The following FRMD3 variants were observed in gnomAD, a reference collection of about 807,000 sequenced individuals.
The protein encoded by FRMD3 is FERM domain-containing protein 3.
FRMD3 carries 33 observed loss-of-function variants against 70.2 expected under a neutral mutation model. The ratio of observed to expected loss-of-function variants is 0.47; its 90% confidence interval spans 0.36 to 0.63. FRMD3 has a LOEUF of 0.63. FRMD3 is among the 20% of genes least tolerant of loss of function. FRMD3 has a pLI of 0.00. For missense variants in FRMD3, 632 were observed against 711.4 expected (o/e 0.89, Z 1.27); for synonymous variants, 279 against 255.9 (o/e 1.09, Z -0.86).
At chr9:83,310,674 G>T in intron 8 of FRMD3, 126 bp from the exon 9 acceptor site, 1 of 692,622 alleles carries the variant, frequency 1.4e-6, no homozygotes, top group Non-Finnish European at 2.5e-6. Context: ...ATTATCATTG[G>T]TGAAGGTCTA....
At position 83,246,909 on chromosome 9, in the gene FRMD3, C is replaced by A. The variant is rs1237652394; in HGVS notation, c.*1009G>T. ...CCATTCGCCTGTCACCATTTGCCTG[C>A]CAGCCTCACCAGAACTCATTTTTGC... On this transcript the variant is annotated 3_prime_UTR_variant, in exon 14 of 14. Coordinates refer to ENST00000304195, the MANE Select transcript of FRMD3 (RefSeq NM_174938.6). The A allele has an allele frequency of 1.0e-6, 1 of 985,298 alleles. No homozygotes were observed. Among genetic ancestry groups the A allele is most frequent in the African/African-American group, 1.7e-5 (1 of 57,224 alleles). 61.0% of individuals were successfully genotyped at this position (985,298 alleles called of 1,614,324 possible).
rs555892408 is a variant in FRMD3, at chr9:83,343,806, C to T, written c.375-519G>A. On this transcript the variant is annotated intron_variant, in intron 4 of 13. Transcript: ENST00000304195. ...GCCAGAAAGGCAACTAACTGATTCA[C>T]AACTAGAGCTGTCATCTGTGTAGAG... Among the ~76,000 whole-genome samples the T allele has an allele frequency of 1.2e-4, 18 of 152,360 alleles. No individual in the cohort carries two copies. In the East Asian group the frequency reaches 3.5e-3, roughly 29 times the overall value.
At chr9:83,343,578 C>T (rs372533306) in intron 4 of FRMD3, among the ~76,000 whole-genome samples, 18 of 152,156 alleles carry the variant, frequency 1.2e-4, no homozygotes, top group South Asian at 2.1e-4. Context: ...GACCCAGTGG[C>T]CAGAGCTCCT....
intron 3 of FRMD3, among the ~76,000 whole-genome samples, chr9:83,360,835 A>T (rs11140051): frequency 6.6e-6 from 1 of 152,208 alleles, no homozygotes; most frequent in African/African-American, 2.4e-5. Context: ...TATAAAATTA[A>T]GGGTTTTTGT....
chr9:83,474,293 G>A (rs1327287230), intron 1 of FRMD3, among the ~76,000 whole-genome samples: 1 of 152,118 alleles, frequency 6.6e-6, no homozygotes, highest in Non-Finnish European at 1.5e-5. Context: ...TGAAAATAGG[G>A]ATCTGAGCCT....
chr9:83,243,111 C>T (rs73648518), downstream of FRMD3: 7,105 of 1,358,002 alleles, frequency 5.2e-3, 286 homozygotes, highest in African/African-American at 0.09. Context: ...TGGGGCCCAC[C>T]GAACTTACCC....
At chr9:83,422,742 G>A (rs964181190) in intron 1 of FRMD3, among the ~76,000 whole-genome samples, 3 of 152,130 alleles carry the variant, frequency 2.0e-5, no homozygotes, top group Non-Finnish European at 4.4e-5. Context: ...GTATCACCAG[G>A]GAACAGCTGG....
chr9:83,422,542 A>G (rs1041873351), intron 1 of FRMD3, among the ~76,000 whole-genome samples: 2 of 152,388 alleles, frequency 1.3e-5, no homozygotes, highest in Non-Finnish European at 2.9e-5. Flanking sequence ...GTTTAATGTT[A>G]GAATAAACGT....
At chr9:83,579,336 T>C in the FRMD3 span, among the ~76,000 whole-genome samples, 1 of 149,932 alleles carries the variant, frequency 6.7e-6, no homozygotes, top group Non-Finnish European at 1.5e-5. Context: ...CATGTGGAAC[T>C]ACAAAAGAAC....
At chr9:83,323,458 A>G (rs1835886398) in intron 6 of FRMD3, among the ~76,000 whole-genome samples, 1 of 152,206 alleles carries the variant, frequency 6.6e-6, no homozygotes, top group Non-Finnish European at 1.5e-5. Flanking sequence ...TAATCCCCAA[A>G]GTCACAGTAT....
intron 10 of FRMD3, among the ~76,000 whole-genome samples, chr9:83,308,147 G>A (rs1835211166): frequency 6.6e-6 from 1 of 152,126 alleles, no homozygotes; most frequent in Non-Finnish European, 1.5e-5. Context: ...AGGGCTGATG[G>A]GTTTCCTGGG....
At chr9:83,371,322 T>G (rs1206422539) in intron 3 of FRMD3, among the ~76,000 whole-genome samples, 2 of 15,456 alleles carry the variant, frequency 1.3e-4, no homozygotes, top group Non-Finnish European at 2.7e-4. Flanking sequence ...GTCTTATTAC[T>G]TTTTTTTTTT....
chr9:83,497,514 T>G (rs901430674), intron 1 of FRMD3, among the ~76,000 whole-genome samples: 19 of 152,208 alleles, frequency 1.2e-4, no homozygotes, highest in African/African-American at 4.6e-4. Flanking sequence ...ATTTTTTGAG[T>G]GTAAGGATTG....
intron 1 of FRMD3, among the ~76,000 whole-genome samples, chr9:83,416,617 C>A (rs1298522382): frequency 6.6e-6 from 1 of 152,190 alleles, no homozygotes; most frequent in Non-Finnish European, 1.5e-5. Flanking sequence ...ATGTGACTTC[C>A]TTTCTTTGAC....
At chr9:83,342,043 ATCTCTCTCTCTC>A (rs112748690) in intron 5 of FRMD3, among the ~76,000 whole-genome samples, 1 of 139,654 alleles carries the variant, frequency 7.2e-6, no homozygotes, top group Non-Finnish European at 1.5e-5. Context: ...TGACATAGTC[ATCTCTCTCTCTC>A]TCTCTCTCTC....
At chr9:83,483,828 C>T (rs1442568146) in intron 1 of FRMD3, among the ~76,000 whole-genome samples, 3 of 151,940 alleles carry the variant, frequency 2.0e-5, no homozygotes, top group African/African-American at 7.3e-5. Flanking sequence ...TCACTGCACT[C>T]CAGCCTGGGT....
chr9:83,342,365 T>C (rs1237613413), intron 5 of FRMD3, among the ~76,000 whole-genome samples: 1 of 152,174 alleles, frequency 6.6e-6, no homozygotes, highest in African/African-American at 2.4e-5. Flanking sequence ...AGAACAGTAG[T>C]CACTTCTAAT....
At chr9:83,507,718 A>C (rs1426627333) in intron 1 of FRMD3, among the ~76,000 whole-genome samples, 8 of 105,648 alleles carry the variant, frequency 7.6e-5, no homozygotes, top group Non-Finnish European at 1.3e-4. Context: ...ATATATATAT[A>C]TATATATATA....
chr9:83,373,556 T>A (rs1291217560), intron 2 of FRMD3, among the ~76,000 whole-genome samples: 1 of 151,938 alleles, frequency 6.6e-6, no homozygotes, highest in Non-Finnish European at 1.5e-5. Context: ...GCCAAAAGAC[T>A]GGGGGAGTTC....
Sources: allele counts gnomAD v4.1 joint callset (sites outside exome capture counted in the v4.1 genomes callset), GRCh38; gene constraint gnomAD v4.1.1; transcripts MANE v1.5; gene names NCBI Gene and HGNC (gene_info 2026-07-23, HGNC 2026-07-21).